Variants in PSMD14 observed in about 807,000 individuals in gnomAD.
The protein encoded by PSMD14 is ubiquitin C-terminal hydrolase PSMD14.
Under a neutral mutation model 41.2 loss-of-function variants are expected in PSMD14, and 7 were observed. That is an observed-to-expected ratio of 0.17 (90% CI 0.10 to 0.32). PSMD14 has a LOEUF of 0.32. PSMD14 is among the 10% of genes least tolerant of loss of function. The probability of loss-of-function intolerance (pLI) is 1.00; values close to 1 mark genes in which losing one functional copy is unlikely to be tolerated. For missense variants in PSMD14, 139 were observed against 375.6 expected (o/e 0.37, Z 5.21); for synonymous variants, 114 against 122.3 (o/e 0.93, Z 0.45).
intron 7 of PSMD14, among the ~76,000 whole-genome samples, chr2:161,372,606 T>A (rs151147118): frequency 6.4e-4 from 98 of 152,116 alleles, no homozygotes; most frequent in African/African-American, 2.2e-3. Context: ...ATTCTTGCTA[T>A]ATGCCTATAT....
chr2:161,360,757 C>T (rs1209376160), intron 3 of PSMD14, among the ~76,000 whole-genome samples: 1 of 152,022 alleles, frequency 6.6e-6, no homozygotes, highest in Non-Finnish European at 1.5e-5. Flanking sequence ...AGGATGGTCT[C>T]CATCTCCTGA....
Position 161,341,081 on chromosome 2 carries a change from C to T in PSMD14, c.48+22208C>T. 5.9e-6 allele frequency: 9 copies of T among 1,534,152 alleles called. No homozygotes were observed. The South Asian group carries it at 8.2e-5, about 14-fold the overall frequency. On this transcript the variant is annotated intron_variant, in intron 3 of 11. Transcript: ENST00000409682. ...CCCCCGGTCCCGCAGGCTCCCCGAG[C>T]TCCCCCAGCCCCGCGGGCTCTCCAG...
chr2:161,318,094 C>T (rs778275296), intron 2 of PSMD14, among the ~76,000 whole-genome samples: 2 of 152,092 alleles, frequency 1.3e-5, no homozygotes, highest in Non-Finnish European at 2.9e-5. Flanking sequence ...TATAGTAAAT[C>T]CACTTTGTAT....
intron 3 of PSMD14, among the ~76,000 whole-genome samples, chr2:161,331,285 CGGA>C (rs1682785076): frequency 6.7e-6 from 1 of 148,800 alleles, no homozygotes; most frequent in Non-Finnish European, 1.5e-5. Context: ...ATTTTTAAGA[CGGA>C]GTCTCACTCT....
At position 161,341,175 on chromosome 2, in the gene PSMD14, G is replaced by T. The variant is rs1682953429; in HGVS notation, c.48+22302G>T. The T allele has an allele frequency of 6.2e-6, 6 of 968,812 alleles. No individual in the cohort carries two copies. In the South Asian group the frequency reaches 1.9e-4, roughly 31 times the overall value. The allele number at this position is 968,812 out of a possible 1,614,324, so 60.0% of individuals were successfully genotyped here. On this transcript the variant is annotated intron_variant, in intron 3 of 11. Transcript: ENST00000409682. ...GGGGCGGGACGGCGCCGGGGCCCCG[G>T]TGGCCTCGGCCGGGGGCGCGGGTTC...
intron 7 of PSMD14, among the ~76,000 whole-genome samples, chr2:161,373,474 A>G (rs1389099434): frequency 1.3e-5 from 2 of 151,926 alleles, no homozygotes; most frequent in Non-Finnish European, 2.9e-5. Context: ...TTCAGTGTCA[A>G]GTCCTCTCAT....
chr2:161,315,863 G>C (rs57029628), intron 1 of PSMD14, among the ~76,000 whole-genome samples: 1 of 112,296 alleles, frequency 8.9e-6, no homozygotes, highest in East Asian at 2.6e-4. Context: ...TTTTTTTTGA[G>C]ACCGAGTTTC....
intron 1 of PSMD14, among the ~76,000 whole-genome samples, chr2:161,312,337 TTTTGCCATGTTG>T (rs1235659697): frequency 6.6e-6 from 1 of 151,986 alleles, no homozygotes; most frequent in Non-Finnish European, 1.5e-5. Flanking sequence ...AGAGACGGGG[TTTTGCCATGTTG>T]GCCAGGCTGG....
At chr2:161,392,385 A>G (rs1051677174) in intron 9 of PSMD14, among the ~76,000 whole-genome samples, 1 of 152,164 alleles carries the variant, frequency 6.6e-6, no homozygotes, top group African/African-American at 2.4e-5. Flanking sequence ...ACTGTTTCTC[A>G]CCAAGGTGTC....
intron 3 of PSMD14, among the ~76,000 whole-genome samples, chr2:161,323,309 C>T (rs1341335373): frequency 6.6e-6 from 1 of 152,118 alleles, no homozygotes; most frequent in Non-Finnish European, 1.5e-5. Context: ...TCCTGTTTCT[C>T]ATTACGGTGT....
At chr2:161,336,092 C>T in intron 3 of PSMD14, among the ~76,000 whole-genome samples, 1 of 152,094 alleles carries the variant, frequency 6.6e-6, no homozygotes, top group East Asian at 1.9e-4. Flanking sequence ...TTGCTTCGCC[C>T]ATTTTAGGTT....
At chr2:161,380,111 T>C (rs1336534954) in intron 7 of PSMD14, among the ~76,000 whole-genome samples, 3 of 152,002 alleles carry the variant, frequency 2.0e-5, no homozygotes, top group African/African-American at 7.2e-5. Flanking sequence ...ATATATATTA[T>C]TTTATTACCA....
chr2:161,370,327 A>G (rs1116173), intron 6 of PSMD14, 150 bp downstream of exon 6: 429,167 of 557,648 alleles, frequency 0.77, 166,508 homozygotes, highest in Admixed American at 0.81. Flanking sequence ...GCCATGCACC[A>G]CCTGTCTAGT....
chr2:161,380,024 G>C (rs1391940378), intron 7 of PSMD14, among the ~76,000 whole-genome samples: 2 of 152,038 alleles, frequency 1.3e-5, no homozygotes, highest in Non-Finnish European at 2.9e-5. Context: ...TCCACAGCAG[G>C]TTCTGTTGAA....
At chr2:161,367,707 T>G in intron 4 of PSMD14, 77 bp from the exon 5 acceptor site, 2 of 1,524,536 alleles carry the variant, frequency 1.3e-6, no homozygotes, top group South Asian at 2.5e-5. Flanking sequence ...GGAACAAAAT[T>G]TGGTTTTTGT....
chr2:161,370,853 A>C (rs1683422077), intron 6 of PSMD14, among the ~76,000 whole-genome samples: 1 of 152,142 alleles, frequency 6.6e-6, no homozygotes, highest in South Asian at 2.1e-4. Flanking sequence ...TAAGGAGTTA[A>C]AGAGTAGATA....
intron 3 of PSMD14, among the ~76,000 whole-genome samples, chr2:161,334,160 A>T (rs2105237989): frequency 6.6e-6 from 1 of 152,258 alleles, no homozygotes; most frequent in Non-Finnish European, 1.5e-5. Context: ...TGGAGAAAGA[A>T]ACCCTATCTC....
chr2:161,356,921 T>G (rs539529423), intron 3 of PSMD14, among the ~76,000 whole-genome samples: 267 of 152,038 alleles, frequency 1.8e-3, no homozygotes, highest in African/African-American at 6.1e-3. Context: ...AGCAGGTATT[T>G]TAATAACATA....
chr2:161,317,991 C>A (rs1411143275), intron 2 of PSMD14, among the ~76,000 whole-genome samples: 2 of 152,046 alleles, frequency 1.3e-5, no homozygotes, highest in Non-Finnish European at 2.9e-5. Context: ...CATATAAGTA[C>A]ACTTGATATT....
Sources: gnomAD v4.1 joint callset for allele counts (sites outside exome capture counted in the v4.1 genomes callset) on GRCh38, gnomAD v4.1.1 for gene constraint, MANE v1.5 for transcripts, NCBI Gene and HGNC (gene_info 2026-07-23, HGNC 2026-07-21) for gene names.